Variants in ASTN1 observed in about 807,000 individuals in gnomAD.
ASTN1 encodes astrotactin-1.
In ASTN1, 41 loss-of-function variants were observed where a neutral mutation model predicts 140.7. That is an observed-to-expected ratio of 0.29 (90% confidence interval 0.23 to 0.38). The LOEUF is 0.38. Ranked by LOEUF, ASTN1 falls within the 10% of genes least tolerant of loss-of-function variation. The probability of loss-of-function intolerance (pLI) is 1.00; values close to 1 mark genes in which losing one functional copy is unlikely to be tolerated. For synonymous variants in ASTN1, 640 were observed against 652.2 expected (o/e 0.98, Z 0.29); for missense variants, 1,479 against 1,678.8 (o/e 0.88, Z 2.08).
intron 1 of ASTN1, among the ~76,000 whole-genome samples, chr1:177,116,293 C>A (rs1681087401): frequency 6.6e-6 from 1 of 152,160 alleles, no homozygotes; most frequent in South Asian, 2.1e-4. Flanking sequence ...TGAATATTAT[C>A]TTTATGGGCT....
intron 9 of ASTN1, 61 bp downstream of exon 9, chr1:176,965,102 G>A (rs374173204): frequency 9.3e-6 from 14 of 1,502,142 alleles, no homozygotes; most frequent in South Asian, 6.8e-5. Context: ...AAGTCAGTTC[G>A]GGGGAAGCGG....
At chr1:177,091,785 A>G (rs750064539) in intron 1 of ASTN1, among the ~76,000 whole-genome samples, 8 of 152,088 alleles carry the variant, frequency 5.3e-5, no homozygotes, top group Non-Finnish European at 1.2e-4. Flanking sequence ...TTATAAATGG[A>G]GTTCTATAAT....
downstream of ASTN1, chr1:176,857,613 A>G: frequency 1.6e-6 from 1 of 618,252 alleles, no homozygotes; most frequent in Non-Finnish European, 2.9e-6. Context: ...TCCTCCAATC[A>G]TCTACAACTC....
At chr1:177,123,952 G>T (rs1399595951) in intron 1 of ASTN1, among the ~76,000 whole-genome samples, 3 of 152,182 alleles carry the variant, frequency 2.0e-5, no homozygotes, top group Non-Finnish European at 4.4e-5. Context: ...CCAGGAGGAG[G>T]ACTGGTCCAT....
chr1:177,077,177 G>A (rs1213810658), intron 1 of ASTN1, among the ~76,000 whole-genome samples: 1 of 152,014 alleles, frequency 6.6e-6, no homozygotes, highest in Non-Finnish European at 1.5e-5. Context: ...CCACCTCGAG[G>A]AGGTGCTGCA....
rs1057161215 is a variant in ASTN1 at position 176,861,649 on chromosome 1, G to A, written c.*2635C>T. The A allele has an allele frequency of 6.0e-5, 59 of 985,314 alleles. No homozygotes were observed. Among genetic ancestry groups the A allele is most frequent in the Non-Finnish European group, 6.7e-5 (56 of 829,974 alleles). 61.0% of individuals were successfully genotyped at this position (985,314 alleles called of 1,614,324 possible). A position where few individuals can be genotyped will look rare whatever the true frequency, so the allele number is the denominator to read the frequency against. On this transcript the variant is annotated 3_prime_UTR_variant, in exon 23 of 23. Transcript: ENST00000361833. ...CTTTTTAACTTGAATGTAAGTAGGA[G>A]CCAGTCATAGGAGTTGTGTGCATTG... is the stretch of plus-strand genomic sequence containing the variant.
intron 8 of ASTN1, among the ~76,000 whole-genome samples, chr1:177,012,257 C>T (rs144633023): frequency 1.3e-5 from 2 of 152,138 alleles, no homozygotes; most frequent in African/African-American, 4.8e-5. Flanking sequence ...AACATGGCAT[C>T]GGATCCCTGA....
downstream of ASTN1, among the ~76,000 whole-genome samples, chr1:176,860,035 T>G (rs1571421634): frequency 1.3e-5 from 2 of 152,052 alleles, no homozygotes; most frequent in East Asian, 3.9e-4. Context: ...TGGACCAGAG[T>G]GCTGCCATGT....
chr1:176,897,004 T>A (rs1008805657), intron 16 of ASTN1, among the ~76,000 whole-genome samples: 2 of 152,200 alleles, frequency 1.3e-5, no homozygotes, highest in African/African-American at 4.8e-5. Context: ...AGGGCGGACG[T>A]GGTGGCTCAC....
chr1:177,145,991 T>G (rs1236320033), intron 1 of ASTN1, among the ~76,000 whole-genome samples: 1 of 152,186 alleles, frequency 6.6e-6, no homozygotes, highest in African/African-American at 2.4e-5. Context: ...TCTACCAATG[T>G]TTACCATATT....
At chr1:177,025,272 G>A (rs1051239264) in intron 5 of ASTN1, among the ~76,000 whole-genome samples, 5 of 152,124 alleles carry the variant, frequency 3.3e-5, no homozygotes, top group Non-Finnish European at 4.4e-5. Flanking sequence ...AGGAAAATGA[G>A]GAATGTCTGC....
chr1:176,974,447 A>G (rs10798492), intron 8 of ASTN1, among the ~76,000 whole-genome samples: 9,594 of 150,202 alleles, frequency 0.064, 946 homozygotes, highest in African/African-American at 0.22. Flanking sequence ...CTGCAGTGTC[A>G]TGATCTTGAC....
At chr1:177,071,630 C>T (rs1011557614) in intron 1 of ASTN1, among the ~76,000 whole-genome samples, 1 of 152,164 alleles carries the variant, frequency 6.6e-6, no homozygotes, top group Non-Finnish European at 1.5e-5. Context: ...GCCAGGGAGC[C>T]CAAGCTGGAG....
chr1:177,063,959 C>T (rs188726990), intron 1 of ASTN1, among the ~76,000 whole-genome samples: 8 of 152,138 alleles, frequency 5.3e-5, no homozygotes, highest in African/African-American at 9.7e-5. Flanking sequence ...GTAACTATTC[C>T]GAAGGATCTA....
chr1:177,024,042 T>A (rs1390167017), intron 6 of ASTN1, among the ~76,000 whole-genome samples: 1 of 152,182 alleles, frequency 6.6e-6, no homozygotes, highest in Non-Finnish European at 1.5e-5. Flanking sequence ...CATTAACAAG[T>A]CAATTAGGTG....
chr1:176,862,117 T>C lies in ASTN1; in HGVS notation c.*2167A>G, dbSNP rs1350657346. ...TCTGATTGGCCTGTCACATCTTCTC[T>C]GGCAATGGTGAAATATTTGCCCCTT... On this transcript the variant is annotated 3_prime_UTR_variant, in exon 23 of 23. Coordinates refer to ENST00000361833, the MANE Select transcript of ASTN1 (RefSeq NM_004319.3). 3 of 985,354 alleles carry C rather than the reference T, an allele frequency of 3.0e-6. No individual in the cohort carries two copies. In the South Asian group the frequency reaches 1.4e-4, roughly 46 times the overall value. The allele number at this position is 985,354 out of a possible 1,614,324, so 61.0% of individuals were successfully genotyped here.
intron 1 of ASTN1, among the ~76,000 whole-genome samples, chr1:177,136,354 CTTT>C (rs761381263): frequency 9.2e-5 from 12 of 131,076 alleles, no homozygotes; most frequent in Admixed American, 3.0e-4. Flanking sequence ...ATTTTTCTTC[CTTT>C]TTTTTTTTTT....
intron 1 of ASTN1, among the ~76,000 whole-genome samples, chr1:177,154,468 G>A (rs1398828706): frequency 6.6e-6 from 1 of 152,140 alleles, no homozygotes; most frequent in East Asian, 1.9e-4. Context: ...ACTGGATAAG[G>A]CAGAACTCGA....
In ASTN1 at chr1:176,932,871, T is replaced by C. The variant is rs79581021; in HGVS notation, c.2671+1281A>G. On this transcript the variant is annotated intron_variant, in intron 16 of 22. Coordinates refer to ENST00000361833, the MANE Select transcript of ASTN1 (RefSeq NM_004319.3). Reference sequence around the variant, plus strand: ...TCCTTGAACCACTGGCAAACAGAAATAGAAGAGGATTCAGCCCTCTGGTTC... The same window carrying C: ...TCCTTGAACCACTGGCAAACAGAAACAGAAGAGGATTCAGCCCTCTGGTTC... Among the ~76,000 whole-genome samples, 641 of 152,240 alleles carry C rather than the reference T, an allele frequency of 4.2e-3. 4 individuals are homozygous for C. The highest frequency in any genetic ancestry group is 0.014 in the African/African-American group (594 of 41,532).
Sources: allele counts gnomAD v4.1 joint callset (sites outside exome capture counted in the v4.1 genomes callset), GRCh38; gene constraint gnomAD v4.1.1; transcripts MANE v1.5; gene names NCBI Gene and HGNC (gene_info 2026-07-23, HGNC 2026-07-21).